Variants in ASB7 observed in about 807,000 individuals in gnomAD.
The protein encoded by ASB7 is ankyrin repeat and SOCS box protein 7.
A neutral mutation model predicts 32.5 loss-of-function variants in ASB7; 4 were observed. That is an observed-to-expected ratio of 0.12 (90% CI 0.06 to 0.28). The LOEUF is 0.28. Ranked by LOEUF, ASB7 falls within the 10% of genes least tolerant of loss-of-function variation. The pLI, the probability that ASB7 is intolerant of heterozygous loss-of-function variation, is 1.00. For synonymous variants in ASB7, 172 were observed against 155.6 expected, an observed-to-expected ratio of 1.11 and a Z score of -0.78; for missense variants, 181 against 407.1, an observed-to-expected ratio of 0.44 and a Z score of 4.78.
At chr15:100,615,280 A>T (rs184233277) in intron 4 of ASB7, among the ~76,000 whole-genome samples, 21 of 152,316 alleles carry the variant, frequency 1.4e-4, no homozygotes, top group African/African-American at 4.6e-4. Flanking sequence ...CTTTATTGAG[A>T]TGTAATTCAC....
At chr15:100,612,483 G>C (rs2039705595) in intron 4 of ASB7, 56 bp downstream of exon 4, 14 of 1,446,316 alleles carry the variant, frequency 9.7e-6, no homozygotes, top group Middle Eastern at 1.7e-4. Flanking sequence ...ATGATGTTTA[G>C]TTTAAAATGT....
rs544849928 is a variant in ASB7, at chr15:100,634,752, C to G, written c.817+4710C>G. ...CCGGGAGGCTGCAGTTACAGTGAGC[C>G]GAGATCACGCCACTGCACTCCAGCC... On this transcript the variant is annotated intron_variant, in intron 5 of 5. Transcript: ENST00000332783. Among the ~76,000 whole-genome samples the G allele has an allele frequency of 7.2e-5, 11 of 152,214 alleles. No individual in the cohort carries two copies. In the East Asian group the frequency reaches 1.9e-3, roughly 27 times the overall value.
intron 4 of ASB7, among the ~76,000 whole-genome samples, chr15:100,620,994 G>A (rs931978439): frequency 9.9e-5 from 15 of 152,112 alleles, no homozygotes; most frequent in African/African-American, 2.9e-4. Context: ...GGAGATAGGG[G>A]GGTAATCAAA....
At chr15:100,612,575 T>C (rs1262278298) in intron 4 of ASB7, 148 bp downstream of exon 4, 4 of 761,636 alleles carry the variant, frequency 5.3e-6, no homozygotes, top group Non-Finnish European at 8.4e-6. Context: ...TTGCTATAAG[T>C]GTGCCTTTTT....
intron 5 of ASB7, chr15:100,638,360 G>A (rs1250905027): frequency 6.6e-6 from 1 of 152,166 alleles, no homozygotes; most frequent in East Asian, 1.9e-4. Context: ...TATAAAACTG[G>A]CTGGCTAGTC....
At chr15:100,612,787 T>G (rs892047500) in intron 4 of ASB7, among the ~76,000 whole-genome samples, 1 of 152,212 alleles carries the variant, frequency 6.6e-6, no homozygotes, top group Non-Finnish European at 1.5e-5. Context: ...CCCTGTTGAT[T>G]ATTGCTTAAG....
At chr15:100,615,554 T>C (rs969895561) in intron 4 of ASB7, among the ~76,000 whole-genome samples, 4 of 152,232 alleles carry the variant, frequency 2.6e-5, no homozygotes, top group Non-Finnish European at 5.9e-5. Flanking sequence ...GATTTTGTTT[T>C]TTGAAAAGGT....
At position 100,648,597 on chromosome 15, in the gene ASB7, C is replaced by T. The variant is rs2040011491; in HGVS notation, c.*135C>T. On this transcript the variant is annotated 3_prime_UTR_variant, in exon 6 of 6. Coordinates refer to ENST00000332783, the MANE Select transcript of ASB7 (RefSeq NM_198243.3). ...AAGCAGGTATACACTTTTGGGTTTT[C>T]TGTTTGTTTGGTTGGTTTTCATTGT... The T allele has an allele frequency of 5.6e-6, 4 of 718,000 alleles. No individual in the cohort carries two copies. The highest frequency in any genetic ancestry group is 8.4e-6 in the Non-Finnish European group (4 of 476,418). The allele number at this position is 718,000 out of a possible 1,614,324, so 44.5% of individuals were successfully genotyped here. A position where few individuals can be genotyped will look rare whatever the true frequency, so the allele number is the denominator to read the frequency against.
rs190129902 is a variant in ASB7, at chr15:100,603,632, C to G, written c.-174+319C>G. On this transcript the variant is annotated intron_variant, in intron 2 of 5. Transcript: ENST00000332783. ...TTTTGTAGCTACCCTCCCTTCCTTA[C>G]TCTCATAGGAATTCCTCAATTCCTT... 2.7e-3 allele frequency among the ~76,000 whole-genome samples: 408 copies of G among 152,256 alleles called. 3 individuals carry two copies. The highest frequency in any genetic ancestry group is 9.4e-3 in the African/African-American group (389 of 41,562).
intron 5 of ASB7, among the ~76,000 whole-genome samples, chr15:100,635,412 GA>G (rs2039915489): frequency 6.6e-6 from 1 of 152,000 alleles, no homozygotes; most frequent in South Asian, 2.1e-4. Context: ...TTTTTTTACT[GA>G]AGCTAGACAT....
At chr15:100,646,029 G>T in intron 5 of ASB7, 1 of 433,238 alleles carries the variant, frequency 2.3e-6, no homozygotes, top group Non-Finnish European at 4.6e-6. Context: ...CAGTAGACCA[G>T]ATCCTTAGCA....
At chr15:100,604,744 G>C (rs2039626108) in intron 2 of ASB7, among the ~76,000 whole-genome samples, 1 of 152,122 alleles carries the variant, frequency 6.6e-6, no homozygotes, top group African/African-American at 2.4e-5. Flanking sequence ...GTATATGTAG[G>C]GAATCAGGAG....
In ASB7 at chr15:100,629,291, C is replaced by T; in HGVS notation, c.212-146C>T. The T allele has an allele frequency of 4.1e-6, 3 of 725,594 alleles. No individual in the cohort carries two copies. Among genetic ancestry groups the T allele is most frequent in the South Asian group, 1.9e-5 (1 of 52,062 alleles). The allele number at this position is 725,594 out of a possible 1,614,324, so 44.9% of individuals were successfully genotyped here. A position where few individuals can be genotyped will look rare whatever the true frequency, so the allele number is the denominator to read the frequency against. The stretch of plus-strand genomic sequence containing the variant: ...CCATTAAAACCAGACTTGAATTAAA[C>T]TGAGGAAAAACGTACTTGATATTCA... On this transcript the variant is annotated intron_variant, in intron 4 of 5. Transcript: ENST00000332783. This position sits in a 1 kb window ranked among gnomAD's most constrained non-coding sequence, Gnocchi z 6.8.
chr15:100,606,825 G>A (rs969014832), intron 2 of ASB7, among the ~76,000 whole-genome samples: 1 of 151,886 alleles, frequency 6.6e-6, no homozygotes, highest in African/African-American at 2.4e-5. Flanking sequence ...TAGCTCCTGA[G>A]TCCACAAAAA....
At chr15:100,611,484 C>CTTTTTGTTTTTTTTTTTTTTTTTTTTTT (rs2039694654) in intron 3 of ASB7, among the ~76,000 whole-genome samples, 1 of 77,144 alleles carries the variant, frequency 1.3e-5, no homozygotes. Flanking sequence ...TGTTTCGATT[C>CTTTTTGTTTTTTTTTTTTTTTTTTTTTT]TTTTTTTTTT....
intron 2 of ASB7, among the ~76,000 whole-genome samples, chr15:100,606,016 T>C (rs1462896168): frequency 6.6e-6 from 1 of 152,228 alleles, no homozygotes; most frequent in Admixed American, 6.5e-5. Context: ...TGCTATACTT[T>C]GTTGAGTGAC....
chr15:100,647,210 T>C (rs2040002968), intron 5 of ASB7, among the ~76,000 whole-genome samples: 2 of 152,234 alleles, frequency 1.3e-5, no homozygotes, highest in Admixed American at 6.5e-5. Flanking sequence ...GCAATAATTT[T>C]TTAAAGTGTA....
chr15:100,637,399 C>G (rs1338573526), intron 5 of ASB7, among the ~76,000 whole-genome samples: 1 of 152,190 alleles, frequency 6.6e-6, no homozygotes, highest in Non-Finnish European at 1.5e-5. Flanking sequence ...CTTGTATTTA[C>G]TGCTGTGAGA....
chr15:100,635,733 G>A (rs1166178561), intron 5 of ASB7, among the ~76,000 whole-genome samples: 1 of 152,202 alleles, frequency 6.6e-6, no homozygotes, highest in African/African-American at 2.4e-5. Flanking sequence ...CAGTCTTTCA[G>A]TGGGCCTGGG....
Sources: gnomAD v4.1 joint callset for allele counts (sites outside exome capture counted in the v4.1 genomes callset) on GRCh38, gnomAD v4.1.1 for gene constraint, Gnocchi (gnomAD v3.1) non-coding constraint, MANE v1.5 for transcripts, NCBI Gene and HGNC (gene_info 2026-07-23, HGNC 2026-07-21) for gene names.